Variants in HNF4G observed in about 807,000 individuals in gnomAD.
HNF4G encodes the protein hepatocyte nuclear factor 4 gamma.
In HNF4G, 21 loss-of-function variants were observed where a neutral mutation model predicts 50.9. That is an observed-to-expected ratio of 0.41 (90% CI 0.29 to 0.59). The LOEUF (loss-of-function observed/expected upper bound fraction) is 0.59, where lower values mean the gene tolerates loss of function less well. Ranked by LOEUF, HNF4G falls within the 20% of genes least tolerant of loss-of-function variation. HNF4G has a pLI of 0.26. For missense variants in HNF4G, 527 were observed against 559.4 expected (o/e 0.94, Z 0.58); for synonymous variants, 198 against 185.6 (o/e 1.07, Z -0.54).
intron 1 of HNF4G, among the ~76,000 whole-genome samples, chr8:75,463,836 A>C (rs1811908438): frequency 1.4e-5 from 2 of 147,076 alleles, no homozygotes. Context: ...GTACAATGGC[A>C]TGATCTTGGC....
chr8:75,465,286 A>G (rs1235483350), intron 1 of HNF4G, among the ~76,000 whole-genome samples: 1 of 152,202 alleles, frequency 6.6e-6, no homozygotes, highest in Non-Finnish European at 1.5e-5. Context: ...GATTTCATAA[A>G]TCATGGTTGT....
chr8:75,528,268 G>GT (rs1486147037), intron 2 of HNF4G, among the ~76,000 whole-genome samples: 3 of 151,978 alleles, frequency 2.0e-5, no homozygotes, highest in Admixed American at 6.6e-5. Context: ...TAAGCTTTAA[G>GT]TTTTTTTTGT....
At chr8:75,538,209 C>T (rs1024851865), upstream of HNF4G, among the ~76,000 whole-genome samples, 1 of 152,132 alleles carries the variant, frequency 6.6e-6, no homozygotes, top group Non-Finnish European at 1.5e-5. Context: ...TTCTTGAATG[C>T]CAACTCTGAT....
chr8:75,518,565 G>T (rs1805955898), intron 2 of HNF4G, among the ~76,000 whole-genome samples: 1 of 152,030 alleles, frequency 6.6e-6, no homozygotes, highest in South Asian at 2.1e-4. Flanking sequence ...CTCAATTCTT[G>T]ACTTCTGTGC....
intron 1 of HNF4G, among the ~76,000 whole-genome samples, chr8:75,442,916 G>A (rs940723788): frequency 6.6e-6 from 1 of 152,130 alleles, no homozygotes; most frequent in African/African-American, 2.4e-5. Flanking sequence ...CAGAGCACAG[G>A]AATGCTCAAT....
intron 1 of HNF4G, among the ~76,000 whole-genome samples, chr8:75,485,458 T>C (rs1435997928): frequency 6.6e-6 from 1 of 152,208 alleles, no homozygotes; most frequent in Non-Finnish European, 1.5e-5. Context: ...TGTAAAATTC[T>C]ATGTAAAAAA....
At chr8:75,509,296 A>G (rs561912682) in intron 2 of HNF4G, among the ~76,000 whole-genome samples, 2 of 152,276 alleles carry the variant, frequency 1.3e-5, no homozygotes, top group African/African-American at 2.4e-5. Flanking sequence ...ACAAAGAAGT[A>G]GAAGGTGGAA....
At chr8:75,513,077 C>T (rs112203103) in intron 2 of HNF4G, among the ~76,000 whole-genome samples, 26 of 152,152 alleles carry the variant, frequency 1.7e-4, no homozygotes, top group African/African-American at 6.0e-4. Flanking sequence ...CGCTCTTGTC[C>T]CACAGGCTGG....
chr8:75,433,085 G>A (rs1207985706), intron 1 of HNF4G, among the ~76,000 whole-genome samples: 1 of 152,052 alleles, frequency 6.6e-6, no homozygotes, highest in East Asian at 1.9e-4. Context: ...CGGCCAAACT[G>A]CTCCCAAATT....
chr8:75,411,050 A>G (rs957249430), intron 1 of HNF4G, among the ~76,000 whole-genome samples: 3 of 152,224 alleles, frequency 2.0e-5, no homozygotes, highest in Non-Finnish European at 4.4e-5. Flanking sequence ...TCATATTAAC[A>G]TTCTTCCTAC....
chr8:75,479,618 A>C (rs2130653293), intron 1 of HNF4G, among the ~76,000 whole-genome samples: 1 of 152,116 alleles, frequency 6.6e-6, no homozygotes, highest in South Asian at 2.1e-4. Flanking sequence ...TATATAAAGA[A>C]ATAGCGATGC....
chr8:75,426,260 G>T (rs751518504), intron 1 of HNF4G, among the ~76,000 whole-genome samples: 2 of 151,946 alleles, frequency 1.3e-5, no homozygotes, highest in Admixed American at 1.3e-4. Flanking sequence ...CGTGGATTTC[G>T]CTCATGCCAT....
At chr8:75,454,048 TCTCTCC>T (rs1811655186) in intron 1 of HNF4G, among the ~76,000 whole-genome samples, 1 of 150,580 alleles carries the variant, frequency 6.6e-6, no homozygotes, top group African/African-American at 2.5e-5. Context: ...TCTCTCTCTC[TCTCTCC>T]CTCCCTCCCT....
chr8:75,561,268 G>A (rs1043618074), intron 9 of HNF4G, among the ~76,000 whole-genome samples: 12 of 152,074 alleles, frequency 7.9e-5, no homozygotes, highest in Middle Eastern at 3.2e-3. Flanking sequence ...GTTTTCCTTC[G>A]CTGGGTTCTT....
intron 1 of HNF4G, among the ~76,000 whole-genome samples, chr8:75,478,974 G>A (rs912549230): frequency 7.9e-5 from 12 of 152,236 alleles, no homozygotes; most frequent in African/African-American, 1.4e-4. Flanking sequence ...TGCCCGCCTC[G>A]GCCTCCCGAA....
intron 1 of HNF4G, among the ~76,000 whole-genome samples, chr8:75,424,559 T>C (rs75824735): frequency 0.01 from 1,570 of 152,172 alleles, 28 homozygotes; most frequent in African/African-American, 0.035. Context: ...CCTTTTGGAG[T>C]TCCCAGAGTC....
chr8:75,561,294 G>A (rs780933960), intron 9 of HNF4G, among the ~76,000 whole-genome samples: 16 of 152,142 alleles, frequency 1.1e-4, no homozygotes, highest in Non-Finnish European at 1.9e-4. Context: ...CATATTTAGA[G>A]ACTCAAACAA....
intron 2 of HNF4G, among the ~76,000 whole-genome samples, chr8:75,523,179 C>T (rs1238695816): frequency 2.0e-5 from 3 of 151,834 alleles, no homozygotes; most frequent in African/African-American, 7.3e-5. Flanking sequence ...GAGCCGAGAT[C>T]GCGCCACTGC....
At chr8:75,528,152 C>T (rs957589762) in intron 2 of HNF4G, among the ~76,000 whole-genome samples, 3 of 152,088 alleles carry the variant, frequency 2.0e-5, no homozygotes, top group African/African-American at 7.2e-5. Flanking sequence ...ATGAGTGGCC[C>T]ATGTAGTAGG....
Sources: allele counts gnomAD v4.1 joint callset (sites outside exome capture counted in the v4.1 genomes callset), GRCh38; gene constraint gnomAD v4.1.1; transcripts MANE v1.5; gene names NCBI Gene and HGNC (gene_info 2026-07-23, HGNC 2026-07-21).